SH3RF2: variants seen among roughly 807,000 people sequenced by gnomAD.
The protein encoded by SH3RF2 is E3 ubiquitin-protein ligase SH3RF2.
Under a neutral mutation model 59.0 loss-of-function variants are expected in SH3RF2, and 43 were observed. That is an observed-to-expected ratio of 0.73 (90% confidence interval 0.57 to 0.94). The LOEUF (loss-of-function observed/expected upper bound fraction) is 0.94. SH3RF2 is among the 40% of genes least tolerant of loss of function. The pLI, the probability that SH3RF2 is intolerant of heterozygous loss-of-function variation, is 0.00. For synonymous variants in SH3RF2, 391 were observed against 391.5 expected, an observed-to-expected ratio of 1.00 and a Z score of 0.01; for missense variants, 930 against 940.1, an observed-to-expected ratio of 0.99 and a Z score of 0.14.
chr5:145,938,849 G>A (rs1757702084), intron 2 of SH3RF2, among the ~76,000 whole-genome samples: 2 of 152,224 alleles, frequency 1.3e-5, no homozygotes, highest in South Asian at 4.1e-4. Context: ...AGTGCAGGAG[G>A]GAAGCATCTA....
At chr5:145,944,803 T>A (rs1249659954) in intron 2 of SH3RF2, among the ~76,000 whole-genome samples, 1 of 152,202 alleles carries the variant, frequency 6.6e-6, no homozygotes, top group Admixed American at 6.5e-5. Flanking sequence ...TAATTGTCCA[T>A]GGAACAAAAT....
chr5:146,014,167 G>A, intron 5 of SH3RF2, 106 bp downstream of exon 5: 1 of 1,168,800 alleles, frequency 8.6e-7, no homozygotes, highest in Non-Finnish European at 1.2e-6. Context: ...CACCCAGAAT[G>A]CCCTACTAGT....
Position 146,011,807 on chromosome 5 carries a change from A to G in SH3RF2, c.745-1940A>G, listed in dbSNP as rs966537129. On this transcript the variant is annotated intron_variant, in intron 4 of 9. Transcript: ENST00000359120. ...TAAGACGATGGGGTTTTCTAAATATACAATCATGTCATCTGCAAAGAGGGA... is the reference window on the plus strand; with the variant it reads ...TAAGACGATGGGGTTTTCTAAATATGCAATCATGTCATCTGCAAAGAGGGA... Among the ~76,000 whole-genome samples, 23 of 152,354 alleles carry G rather than the reference A, an allele frequency of 1.5e-4. 3 individuals carry two copies. The highest frequency in any genetic ancestry group is 3.8e-4 in the African/African-American group (16 of 41,582).
intron 2 of SH3RF2, among the ~76,000 whole-genome samples, chr5:145,952,604 G>A (rs1403529565): frequency 1.3e-5 from 2 of 152,100 alleles, no homozygotes; most frequent in African/African-American, 2.4e-5. Flanking sequence ...CTAAGCTCTA[G>A]GATATAACCA....
chr5:145,999,948 T>C lies in SH3RF2; in HGVS notation c.379-110T>C, dbSNP rs1325341685. The C allele has an allele frequency of 4.5e-6, 6 of 1,323,430 alleles. No individual in the cohort carries two copies. In the East Asian group the frequency reaches 1.3e-4, roughly 28 times the overall value. 82.0% of individuals were successfully genotyped at this position (1,323,430 alleles called of 1,614,324 possible). A position where few individuals can be genotyped will look rare whatever the true frequency, so the allele number is the denominator to read the frequency against. ...AACCTTTGATTTGTAAAAAACTCAG[T>C]ATTTGCAAAGCATGTTAAAGCAAAG... On this transcript the variant is annotated intron_variant, in intron 2 of 9. Coordinates refer to ENST00000359120, the MANE Select transcript of SH3RF2 (RefSeq NM_152550.4).
At chr5:146,016,743 T>C (rs564105253) in intron 5 of SH3RF2, among the ~76,000 whole-genome samples, 1 of 152,332 alleles carries the variant, frequency 6.6e-6, no homozygotes, top group East Asian at 1.9e-4. Context: ...CCTGGATGTC[T>C]GCAGCCTCCC....
At chr5:146,049,749 C>A (rs1668031939) in intron 7 of SH3RF2, among the ~76,000 whole-genome samples, 1 of 152,078 alleles carries the variant, frequency 6.6e-6, no homozygotes, top group South Asian at 2.1e-4. Flanking sequence ...TCCTCCACAC[C>A]CAAGATGAAA....
intron 9 of SH3RF2, among the ~76,000 whole-genome samples, chr5:146,068,400 T>C (rs1012941485): frequency 4.6e-5 from 7 of 152,198 alleles, no homozygotes; most frequent in Non-Finnish European, 7.3e-5. Flanking sequence ...CACGGGGCAG[T>C]GCCGGGCCAG....
intron 2 of SH3RF2, among the ~76,000 whole-genome samples, chr5:145,978,985 T>C (rs934216105): frequency 5.3e-5 from 8 of 152,206 alleles, no homozygotes; most frequent in Admixed American, 1.3e-4. Flanking sequence ...CCTGTGCTCA[T>C]ACTTCTGGGA....
chr5:145,984,441 A>C (rs1076335), intron 2 of SH3RF2, among the ~76,000 whole-genome samples: 1 of 152,150 alleles, frequency 6.6e-6, no homozygotes, highest in South Asian at 2.1e-4. Context: ...TGCCAAAGAT[A>C]TTGGCACCTA....
At position 146,061,892 on chromosome 5, in the gene SH3RF2, G is replaced by A. The variant is rs532871169; in HGVS notation, c.1915-534G>A. On this transcript the variant is annotated intron_variant, in intron 9 of 9. Coordinates refer to ENST00000359120, the MANE Select transcript of SH3RF2 (RefSeq NM_152550.4). ...AATCTCCCAATTTTTATGTGTTGGC[G>A]AGTCGATCAAACCCTCAAACATTCT... Among the ~76,000 whole-genome samples, 30 of 152,076 alleles carry A rather than the reference G, an allele frequency of 2.0e-4. No individual in the cohort carries two copies. In the South Asian group the frequency reaches 4.2e-3, roughly 21 times the overall value.
chr5:146,064,756 AAGGAAGG>A (rs1344390520), downstream of SH3RF2, among the ~76,000 whole-genome samples: 20 of 5,346 alleles, frequency 3.7e-3, no homozygotes, highest in Admixed American at 0.022. Context: ...GGAAGGAAGG[AAGGAAGG>A]AAGGAAGGAA....
At chr5:145,987,327 C>A (rs963620316) in intron 2 of SH3RF2, among the ~76,000 whole-genome samples, 1 of 152,086 alleles carries the variant, frequency 6.6e-6, no homozygotes, top group Non-Finnish European at 1.5e-5. Context: ...TATTTGAGTT[C>A]TTTTATCCCT....
intron 5 of SH3RF2, among the ~76,000 whole-genome samples, chr5:146,047,549 G>T (rs1762348914): frequency 6.6e-6 from 1 of 152,004 alleles, no homozygotes; most frequent in Non-Finnish European, 1.5e-5. Context: ...CAGGCTTTTG[G>T]AATGCAGTCC....
At chr5:145,942,030 C>T (rs1275484147) in intron 2 of SH3RF2, among the ~76,000 whole-genome samples, 3 of 152,200 alleles carry the variant, frequency 2.0e-5, no homozygotes, top group Non-Finnish European at 4.4e-5. Flanking sequence ...TTTGCCTCCA[C>T]ATGATCCGTG....
At chr5:146,058,793 A>G (rs1762772943) in intron 8 of SH3RF2, among the ~76,000 whole-genome samples, 1 of 151,934 alleles carries the variant, frequency 6.6e-6, no homozygotes, top group Non-Finnish European at 1.5e-5. Context: ...ATATATGTCC[A>G]ATGGATGGGG....
At chr5:145,967,172 G>T (rs185555288) in intron 2 of SH3RF2, among the ~76,000 whole-genome samples, 1 of 152,310 alleles carries the variant, frequency 6.6e-6, no homozygotes, top group Admixed American at 6.5e-5. Flanking sequence ...ATGAGTTGGA[G>T]GCTGTTTAAA....
intron 5 of SH3RF2, among the ~76,000 whole-genome samples, chr5:146,035,538 T>C (rs1365452694): frequency 6.6e-6 from 1 of 152,116 alleles, no homozygotes; most frequent in Non-Finnish European, 1.5e-5. Context: ...GGTGAAAGCA[T>C]AGCAAAGTGG....
chr5:146,003,887 A>G (rs746950149), intron 3 of SH3RF2, among the ~76,000 whole-genome samples, 171 bp from the exon 4 acceptor site: 13 of 152,200 alleles, frequency 8.5e-5, no homozygotes, highest in Non-Finnish European at 1.6e-4. Context: ...TGACACAAAC[A>G]CTGCCCTTTA....
Sources: allele counts gnomAD v4.1 joint callset (sites outside exome capture counted in the v4.1 genomes callset), GRCh38; gene constraint gnomAD v4.1.1; transcripts MANE v1.5; gene names NCBI Gene and HGNC (gene_info 2026-07-23, HGNC 2026-07-21).